The following LHFPL3 variants were observed in gnomAD, a reference collection of about 807,000 sequenced individuals.
LHFPL3 encodes LHFPL tetraspan subfamily member 3.
In LHFPL3, 5 loss-of-function variants were observed where a neutral mutation model predicts 19.3. The ratio of observed to expected loss-of-function variants is 0.26; its 90% CI spans 0.14 to 0.54. The LOEUF is 0.54. LHFPL3 is among the 20% of genes least tolerant of loss of function. LHFPL3 has a pLI of 0.94. For missense variants in LHFPL3, 249 were observed against 307.4 expected (o/e 0.81, Z 1.42); for synonymous variants, 133 against 126.2 (o/e 1.05, Z -0.36).
intron 2 of LHFPL3, among the ~76,000 whole-genome samples, chr7:104,764,283 C>G (rs1794420528): frequency 6.6e-6 from 1 of 152,170 alleles, no homozygotes; most frequent in Non-Finnish European, 1.5e-5. Flanking sequence ...ATTCTCCTAC[C>G]TCAGCCTCCT....
At chr7:104,902,170 G>T (rs1485088932) in intron 2 of LHFPL3, among the ~76,000 whole-genome samples, 1 of 151,962 alleles carries the variant, frequency 6.6e-6, no homozygotes, top group Non-Finnish European at 1.5e-5. Context: ...ACTTGAGTCC[G>T]GGAGTTTGAA....
intron 2 of LHFPL3, among the ~76,000 whole-genome samples, chr7:104,885,469 C>T (rs1792130044): frequency 6.6e-6 from 1 of 152,142 alleles, no homozygotes; most frequent in South Asian, 2.1e-4. Context: ...GTAAATAGGA[C>T]CCCACTCACT....
At chr7:104,565,972 G>A (rs998940912) in intron 1 of LHFPL3, among the ~76,000 whole-genome samples, 1 of 152,028 alleles carries the variant, frequency 6.6e-6, no homozygotes, top group Non-Finnish European at 1.5e-5. Context: ...ATTCACCAGA[G>A]GGAAAAGGCA....
At chr7:104,419,841 C>T (rs923220043) in intron 1 of LHFPL3, among the ~76,000 whole-genome samples, 1 of 152,142 alleles carries the variant, frequency 6.6e-6, no homozygotes, top group Admixed American at 6.5e-5. Context: ...ACAGAGGTGG[C>T]AGTGTTCTCT....
chr7:104,587,289 G>T (rs1340138530), intron 1 of LHFPL3, among the ~76,000 whole-genome samples: 1 of 151,908 alleles, frequency 6.6e-6, no homozygotes, highest in African/African-American at 2.4e-5. Context: ...CCCACAATAG[G>T]CCCCAGTGTG....
Position 104,532,309 on chromosome 7 carries a change from T to A in LHFPL3, c.445+203085T>A, listed in dbSNP as rs571604227. Among the ~76,000 whole-genome samples, 26 of 135,812 alleles carry A rather than the reference T, an allele frequency of 1.9e-4. No homozygotes were observed. In the South Asian group the frequency reaches 2.5e-3, roughly 13 times the overall value. The allele number at this position is 135,812 out of a possible 152,430, so 89.1% of individuals were successfully genotyped here. On this transcript the variant is annotated intron_variant, in intron 1 of 2. Coordinates refer to ENST00000424859, the MANE Select transcript of LHFPL3 (RefSeq NM_199000.3). ...TGTTTTTTTTTTCTTTTTTTCTTTT[T>A]CTTTCTGTCTTTTTTTTTTTTTTTT...
intron 2 of LHFPL3, among the ~76,000 whole-genome samples, chr7:104,843,968 GAACT>G (rs1791262921): frequency 6.6e-6 from 1 of 152,148 alleles, no homozygotes; most frequent in Non-Finnish European, 1.5e-5. Context: ...GAAAAGTGAG[GAACT>G]AACTGGGCCC....
intron 2 of LHFPL3, chr7:104,796,863 C>T (rs1346160640): frequency 6.6e-6 from 1 of 152,648 alleles, no homozygotes; most frequent in Non-Finnish European, 1.5e-5. Flanking sequence ...CATCCTGAGA[C>T]TGGGTCTCCT....
intron 1 of LHFPL3, among the ~76,000 whole-genome samples, chr7:104,417,810 A>G (rs1365543296): frequency 6.6e-6 from 1 of 152,034 alleles, no homozygotes; most frequent in African/African-American, 2.4e-5. Flanking sequence ...AATGTGCTCA[A>G]TGTCAGTAAA....
At chr7:104,529,423 T>C (rs542334765) in intron 1 of LHFPL3, among the ~76,000 whole-genome samples, 28 of 152,264 alleles carry the variant, frequency 1.8e-4, no homozygotes, top group African/African-American at 5.5e-4. Flanking sequence ...TATGAGTGCA[T>C]GACTGTGCCG....
chr7:104,674,313 T>A (rs1293718636), intron 1 of LHFPL3, among the ~76,000 whole-genome samples: 1 of 152,058 alleles, frequency 6.6e-6, no homozygotes, highest in Admixed American at 6.6e-5. Context: ...TACAATATAT[T>A]TGACCATTTG....
At chr7:104,394,510 T>C (rs1255810735) in intron 1 of LHFPL3, among the ~76,000 whole-genome samples, 1 of 152,212 alleles carries the variant, frequency 6.6e-6, no homozygotes, top group Non-Finnish European at 1.5e-5. Flanking sequence ...TCTTTGAGCA[T>C]GTTTTATTTA....
At chr7:104,385,599 G>A (rs1790924266) in intron 1 of LHFPL3, among the ~76,000 whole-genome samples, 1 of 152,136 alleles carries the variant, frequency 6.6e-6, no homozygotes, top group African/African-American at 2.4e-5. Flanking sequence ...TTCCCTGAGA[G>A]CATGGGTATT....
chr7:104,714,467 G>A (rs1793349696), intron 1 of LHFPL3, among the ~76,000 whole-genome samples: 1 of 149,046 alleles, frequency 6.7e-6, no homozygotes, highest in South Asian at 2.1e-4. Context: ...AGGAAAGGGA[G>A]CAAGAAATAA....
At chr7:104,384,444 C>G (rs1025547604) in intron 1 of LHFPL3, among the ~76,000 whole-genome samples, 1 of 152,066 alleles carries the variant, frequency 6.6e-6, no homozygotes, top group Non-Finnish European at 1.5e-5. Context: ...GAGCAGCTAT[C>G]TGTAAGTTTG....
chr7:104,709,070 T>C (rs1388522628), intron 1 of LHFPL3, among the ~76,000 whole-genome samples: 1 of 152,098 alleles, frequency 6.6e-6, no homozygotes, highest in Non-Finnish European at 1.5e-5. Context: ...ACTGAGAATA[T>C]ATTGCTCTAA....
chr7:104,825,172 A>T (rs1790793182), intron 2 of LHFPL3, among the ~76,000 whole-genome samples: 1 of 151,674 alleles, frequency 6.6e-6, no homozygotes, highest in East Asian at 1.9e-4. Context: ...AGGACCATAG[A>T]AGGAACTGGG....
At chr7:104,790,529 C>T (rs1345349969) in intron 2 of LHFPL3, among the ~76,000 whole-genome samples, 3 of 152,066 alleles carry the variant, frequency 2.0e-5, no homozygotes, top group Non-Finnish European at 4.4e-5. Flanking sequence ...GGACCACTTT[C>T]CCCAACCAGA....
chr7:104,723,871 T>C (rs1793536598), intron 1 of LHFPL3, among the ~76,000 whole-genome samples: 1 of 151,918 alleles, frequency 6.6e-6, no homozygotes, highest in Non-Finnish European at 1.5e-5. Flanking sequence ...TTTTGGATAA[T>C]AGTCCAGTTG....
Sources: allele counts gnomAD v4.1 joint callset (sites outside exome capture counted in the v4.1 genomes callset), GRCh38; gene constraint gnomAD v4.1.1; transcripts MANE v1.5; gene names NCBI Gene and HGNC (gene_info 2026-07-23, HGNC 2026-07-21).